RBFOX1: variants seen among roughly 807,000 people sequenced by gnomAD.
RBFOX1 encodes RNA binding protein fox-1 homolog 1.
A neutral mutation model predicts 57.7 loss-of-function variants in RBFOX1; 8 were observed. The observed-to-expected ratio is 0.14, with a 90% CI of 0.08 to 0.25. The LOEUF is 0.25. Among genes scored for constraint, RBFOX1 ranks in the 10% least tolerant of loss-of-function variants. RBFOX1 has a pLI of 1.00. For missense variants in RBFOX1, 611 were observed against 548.5 expected (o/e 1.11, Z -1.14); for synonymous variants, 326 against 222.4 (o/e 1.47, Z -4.15).
chr16:5,544,951 C>CTTTTTTTTTTT lies in RBFOX1; in HGVS notation c.259-53918_259-53908dup, dbSNP rs59873374. ...GTATAGATGGCCTTACTATTACATT[C>CTTTTTTTTTTT]TTTTTTTTTTTTTTTTTTTTTTTTT... On this transcript the variant is annotated intron_variant, in intron 2 of 2. Transcript: ENST00000585867. Among the ~76,000 whole-genome samples the CTTTTTTTTTTT allele has an allele frequency of 7.9e-4, 98 of 124,380 alleles. 6 individuals are homozygous for CTTTTTTTTTTT. Among genetic ancestry groups the CTTTTTTTTTTT allele is most frequent in the Non-Finnish European group, 9.7e-4 (59 of 60,996 alleles). 81.6% of individuals were successfully genotyped at this position (124,380 alleles called of 152,430 possible).
At chr16:5,413,899 C>T (rs141808441) in intron 1 of RBFOX1, among the ~76,000 whole-genome samples, 26 of 152,194 alleles carry the variant, frequency 1.7e-4, no homozygotes, top group African/African-American at 4.1e-4. Flanking sequence ...CCCATTCCTG[C>T]GTCCATGTTC....
At chr16:5,817,101 C>T (rs886862098) in intron 3 of RBFOX1, among the ~76,000 whole-genome samples, 1 of 152,194 alleles carries the variant, frequency 6.6e-6, no homozygotes, top group Non-Finnish European at 1.5e-5. Context: ...AGGATATCCC[C>T]TTTCCTGTAC....
At chr16:6,296,871 A>G (rs910308039) in intron 1 of RBFOX1, among the ~76,000 whole-genome samples, 1 of 152,224 alleles carries the variant, frequency 6.6e-6, no homozygotes, top group African/African-American at 2.4e-5. Flanking sequence ...TGTGCAAGAA[A>G]GAATTCAGGA....
chr16:6,850,182 C>T (rs1380240916), intron 3 of RBFOX1, among the ~76,000 whole-genome samples: 1 of 152,084 alleles, frequency 6.6e-6, no homozygotes, highest in African/African-American at 2.4e-5. Flanking sequence ...GTCCTTCATT[C>T]AGTGAATTCA....
chr16:7,501,255 A>C (rs2070751301), intron 4 of RBFOX1, among the ~76,000 whole-genome samples: 2 of 152,248 alleles, frequency 1.3e-5, no homozygotes, highest in South Asian at 2.1e-4. Flanking sequence ...TATTTCAAGC[A>C]CTAGAGTTAC....
chr16:7,274,067 A>G (rs75707314), intron 4 of RBFOX1, among the ~76,000 whole-genome samples: 4,643 of 152,330 alleles, frequency 0.03, 106 homozygotes, highest in Middle Eastern at 0.061. Context: ...TAGAGAAAAC[A>G]TAAGTGTGGA....
intron 2 of RBFOX1, among the ~76,000 whole-genome samples, chr16:6,432,642 A>C (rs575236319): frequency 1.3e-5 from 2 of 152,206 alleles, no homozygotes; most frequent in African/African-American, 4.8e-5. Context: ...AGATCGCAGC[A>C]CTGCATTCCA....
intron 2 of RBFOX1, among the ~76,000 whole-genome samples, chr16:6,647,493 C>G (rs559724222): frequency 6.6e-6 from 1 of 152,112 alleles, no homozygotes; most frequent in Non-Finnish European, 1.5e-5. Context: ...AGTGATATAC[C>G]TGCCTTAGAC....
chr16:5,735,960 G>A (rs1016415607), intron 3 of RBFOX1, among the ~76,000 whole-genome samples: 1 of 152,044 alleles, frequency 6.6e-6, no homozygotes, highest in East Asian at 1.9e-4. Flanking sequence ...AGGAAGGCGC[G>A]GGTAGAGTAC....
intron 4 of RBFOX1, among the ~76,000 whole-genome samples, chr16:7,205,957 C>T (rs533933519): frequency 5.3e-5 from 8 of 152,348 alleles, no homozygotes; most frequent in East Asian, 1.9e-4. Flanking sequence ...TTTTCTCATA[C>T]GATTTGATCT....
intron 10 of RBFOX1, among the ~76,000 whole-genome samples, chr16:7,627,342 A>G (rs1187129066): frequency 2.6e-5 from 4 of 152,132 alleles, no homozygotes; most frequent in African/African-American, 7.2e-5. Context: ...GGCCAATAGG[A>G]AAGGATAATA....
At chr16:7,154,633 G>T (rs963680682) in intron 4 of RBFOX1, among the ~76,000 whole-genome samples, 3 of 151,920 alleles carry the variant, frequency 2.0e-5, no homozygotes, top group African/African-American at 7.3e-5. Context: ...GTAAGAAAAT[G>T]TGATTGGAGA....
At chr16:6,200,842 C>T (rs942929440) in intron 1 of RBFOX1, among the ~76,000 whole-genome samples, 6 of 151,734 alleles carry the variant, frequency 4.0e-5, no homozygotes, top group Non-Finnish European at 8.8e-5. Flanking sequence ...TGTGAATTGA[C>T]GTAGCAGGTA....
intron 3 of RBFOX1, among the ~76,000 whole-genome samples, chr16:5,707,016 G>A (rs974538631): frequency 2.0e-5 from 3 of 152,112 alleles, no homozygotes; most frequent in African/African-American, 7.2e-5. Context: ...AATGCTTGAG[G>A]CCATCTCTCT....
chr16:6,749,301 A>G lies in RBFOX1; in HGVS notation c.-16+94651A>G, dbSNP rs189315059. Among the ~76,000 whole-genome samples, 39 of 152,256 alleles carry G rather than the reference A, an allele frequency of 2.6e-4. 1 individual carries two copies. Among genetic ancestry groups the G allele is most frequent in the African/African-American group, 9.1e-4 (38 of 41,576 alleles). On this transcript the variant is annotated intron_variant, in intron 3 of 15. Coordinates refer to ENST00000550418, the MANE Select transcript of RBFOX1 (RefSeq NM_018723.4). Reference sequence around the variant, plus strand: ...GTCAGTAATGACATCAACCCAATTAAATGAGAGAACAGATGCACACAGGAC... The same window carrying G: ...GTCAGTAATGACATCAACCCAATTAGATGAGAGAACAGATGCACACAGGAC...
chr16:5,313,847 G>A (rs2064158102), intron 1 of RBFOX1, among the ~76,000 whole-genome samples: 1 of 152,042 alleles, frequency 6.6e-6, no homozygotes, highest in African/African-American at 2.4e-5. Context: ...ATTTGGATTG[G>A]GGACACAGCC....
At chr16:5,892,800 G>C (rs1016333928) in intron 4 of RBFOX1, among the ~76,000 whole-genome samples, 1 of 152,196 alleles carries the variant, frequency 6.6e-6, no homozygotes, top group African/African-American at 2.4e-5. Flanking sequence ...TAGTAAGAGA[G>C]CATGGCCAAG....
chr16:5,428,124 G>C lies in RBFOX1; in HGVS notation c.220-39092G>C, dbSNP rs200793998. Reference sequence around the variant, plus strand: ...TGGAAGGGTGTGTGTGTGTGTGTCTGTGTGTGTGTGTGTGTGTGTGTGTAT... The same window carrying C: ...TGGAAGGGTGTGTGTGTGTGTGTCTCTGTGTGTGTGTGTGTGTGTGTGTAT... On this transcript the variant is annotated intron_variant, in intron 1 of 2. Transcript: ENST00000585867. Among the ~76,000 whole-genome samples, 40 of 34,204 alleles carry C rather than the reference G, an allele frequency of 1.2e-3. No homozygotes were observed. The East Asian group carries it at 0.026, about 22-fold the overall frequency. 22.4% of individuals were successfully genotyped at this position (34,204 alleles called of 152,430 possible).
At chr16:6,515,093 A>C (rs1719161107) in intron 2 of RBFOX1, among the ~76,000 whole-genome samples, 1 of 152,176 alleles carries the variant, frequency 6.6e-6, no homozygotes, top group Admixed American at 6.5e-5. Context: ...AAAGGAGAGA[A>C]GGAGAGAAGA....
Sources: gnomAD v4.1 joint callset for allele counts (sites outside exome capture counted in the v4.1 genomes callset) on GRCh38, gnomAD v4.1.1 for gene constraint, MANE v1.5 for transcripts, NCBI Gene and HGNC (gene_info 2026-07-23, HGNC 2026-07-21) for gene names.